MAGI1: variants seen among roughly 807,000 people sequenced by gnomAD.
MAGI1 encodes membrane-associated guanylate kinase, WW and PDZ domain-containing protein 1.
MAGI1 carries 58 observed loss-of-function variants against 139.9 expected under a neutral mutation model. That is an observed-to-expected ratio of 0.41 (90% confidence interval 0.34 to 0.52). The LOEUF (loss-of-function observed/expected upper bound fraction) is 0.52, where lower values mean the gene tolerates loss of function less well. Ranked by LOEUF, MAGI1 falls within the 20% of genes least tolerant of loss-of-function variation. The pLI, the probability that MAGI1 is intolerant of heterozygous loss-of-function variation, is 0.12. For synonymous variants in MAGI1, 812 were observed against 737.9 expected (o/e 1.10, Z -1.63); for missense variants, 1,874 against 1,901.6 (o/e 0.99, Z 0.27).
At chr3:66,036,806 A>C (rs572020627) in intron 1 of MAGI1, among the ~76,000 whole-genome samples, 182 of 152,150 alleles carry the variant, frequency 1.2e-3, no homozygotes, top group Non-Finnish European at 1.6e-3. Context: ...CGGTGCTTTC[A>C]CTGGGGAGAA....
chr3:65,835,999 G>C (rs1175306421), intron 1 of MAGI1, among the ~76,000 whole-genome samples: 1 of 152,120 alleles, frequency 6.6e-6, no homozygotes, highest in Non-Finnish European at 1.5e-5. Flanking sequence ...AAGCAAGCTG[G>C]GGGTTACCTG....
intron 1 of MAGI1, among the ~76,000 whole-genome samples, chr3:65,807,248 G>A (rs2040916405): frequency 6.6e-6 from 1 of 152,196 alleles, no homozygotes; most frequent in Non-Finnish European, 1.5e-5. Context: ...TGGAGGCTGG[G>A]AAGATCAAGA....
rs372653629 is a variant in MAGI1 at position 65,714,224 on chromosome 3, T to C, written c.314-92136A>G. ...ATGAAAGTGCCTTGAGTGACTCTTG[T>C]AGGGAGAGGCATTCCTCCAATGGCC... is the stretch of plus-strand genomic sequence containing the variant. On this transcript the variant is annotated intron_variant, in intron 1 of 22. Transcript: ENST00000402939. 3.9e-5 allele frequency among the ~76,000 whole-genome samples: 6 copies of C among 152,296 alleles called. No homozygotes were observed. In the East Asian group the frequency reaches 7.7e-4, roughly 20 times the overall value.
chr3:65,989,040 A>C (rs956538819), intron 1 of MAGI1, among the ~76,000 whole-genome samples: 3 of 152,240 alleles, frequency 2.0e-5, no homozygotes, highest in Non-Finnish European at 4.4e-5. Flanking sequence ...CCTCAAGTTA[A>C]TAAGTCGAAG....
chr3:65,383,735 AT>A, intron 14 of MAGI1, 112 bp from the exon 15 acceptor site: 7 of 729,226 alleles, frequency 9.6e-6, no homozygotes, highest in Non-Finnish European at 1.5e-5. Flanking sequence ...CAGATGGAAG[AT>A]TTTCAATATA....
At chr3:65,631,777 G>T (rs1312166167) in intron 1 of MAGI1, among the ~76,000 whole-genome samples, 2 of 152,128 alleles carry the variant, frequency 1.3e-5, no homozygotes, top group Admixed American at 1.3e-4. Flanking sequence ...ACTTTGGGAG[G>T]CTGAGGCAGG....
intron 1 of MAGI1, among the ~76,000 whole-genome samples, chr3:65,883,242 C>T (rs184019853): frequency 2.7e-4 from 41 of 152,246 alleles, no homozygotes; most frequent in Admixed American, 1.2e-3. Context: ...AGGATTCAGG[C>T]ATTTTACTAC....
chr3:65,689,036 C>A (rs2088324393), intron 1 of MAGI1, among the ~76,000 whole-genome samples: 1 of 152,148 alleles, frequency 6.6e-6, no homozygotes. Flanking sequence ...ATTGTCCTCA[C>A]TGAGGCAATG....
chr3:65,896,325 CCATGGCTGA>C (rs1455345967), intron 1 of MAGI1, among the ~76,000 whole-genome samples: 1 of 151,828 alleles, frequency 6.6e-6, no homozygotes, highest in Non-Finnish European at 1.5e-5. Flanking sequence ...ACAACCATGC[CCATGGCTGA>C]CAGGAAGGTT....
rs538935075 is a variant in MAGI1 at position 65,433,550 on chromosome 3, A to T, written c.1364-2669T>A. On this transcript the variant is annotated intron_variant, in intron 10 of 22. Coordinates refer to ENST00000402939, the MANE Select transcript of MAGI1 (RefSeq NM_001033057.2). ...ACGCTTTTCACCCCATAAGCAGTGG[A>T]ATTTGGAGCTCTCAGCTGCAGCCCT... 5.9e-5 allele frequency among the ~76,000 whole-genome samples: 9 copies of T among 152,162 alleles called. No homozygotes were observed. The East Asian group carries it at 1.6e-3, about 26-fold the overall frequency.
intron 12 of MAGI1, among the ~76,000 whole-genome samples, chr3:65,427,697 G>C (rs909142155): frequency 6.6e-6 from 1 of 152,188 alleles, no homozygotes; most frequent in East Asian, 1.9e-4. Context: ...CACAGAGCCA[G>C]GGTGAACAGC....
At chr3:65,877,550 T>G (rs1487826178) in intron 1 of MAGI1, among the ~76,000 whole-genome samples, 1 of 152,176 alleles carries the variant, frequency 6.6e-6, no homozygotes, top group Non-Finnish European at 1.5e-5. Context: ...TTGGAGAAAG[T>G]GTCTTAGCTC....
At position 65,657,188 on chromosome 3, in the gene MAGI1, G is replaced by A. The variant is rs117999911; in HGVS notation, c.314-35100C>T. Among the ~76,000 whole-genome samples the A allele has an allele frequency of 6.6e-4, 100 of 152,148 alleles. 1 individual carries two copies. In the East Asian group the frequency reaches 7.7e-3, roughly 12 times the overall value. On this transcript the variant is annotated intron_variant, in intron 1 of 22. Transcript: ENST00000402939. ...ATCCCCAACTTAAAGATAAGGAAAT[G>A]GAGGTAAAGGCAGGCTAAGTAAGTG...
chr3:65,608,151 A>G (rs2082849018), intron 2 of MAGI1, among the ~76,000 whole-genome samples: 1 of 152,208 alleles, frequency 6.6e-6, no homozygotes, highest in Non-Finnish European at 1.5e-5. Flanking sequence ...GATTAAAAAG[A>G]CAAACGGGGA....
Position 65,356,952 on chromosome 3 carries a change from T to C in MAGI1, c.3815A>G (p.Tyr1272Cys), listed in dbSNP as rs780961185. The part of the protein sequence containing the change: ...HARDPKGSRE[Y>C]SRQPNEHHTW... ...GTGGTGTTCATTGGGTTGTCTGCTA[T>C]ACTCTCTGCTGCCTTTCGGATCCCT... The change falls in exon 23 of 23, where the codon TAT becomes TGT. Residue 1272 changes from tyrosine (Y) to cysteine (C), a missense_variant. Coordinates refer to ENST00000402939, the MANE Select transcript of MAGI1 (RefSeq NM_001033057.2). 6 of 1,614,088 alleles carry C rather than the reference T, an allele frequency of 3.7e-6. No individual in the cohort carries two copies. In the South Asian group the frequency reaches 4.4e-5, roughly 12 times the overall value.
chr3:66,030,110 A>G (rs1180575058), intron 1 of MAGI1, among the ~76,000 whole-genome samples: 1 of 152,184 alleles, frequency 6.6e-6, no homozygotes, highest in African/African-American at 2.4e-5. Flanking sequence ...AAGGACCCAC[A>G]TGTTCTTACT....
At chr3:65,498,064 G>C (rs570438396) in intron 2 of MAGI1, among the ~76,000 whole-genome samples, 1 of 152,126 alleles carries the variant, frequency 6.6e-6, no homozygotes, top group Non-Finnish European at 1.5e-5. Flanking sequence ...AGGACCGAGG[G>C]AGGGGACCCC....
intron 2 of MAGI1, among the ~76,000 whole-genome samples, chr3:65,515,767 G>C (rs1322906623): frequency 1.3e-5 from 2 of 152,148 alleles, no homozygotes; most frequent in Admixed American, 1.3e-4. Context: ...TGTCACTTCA[G>C]GCTTCATTGT....
intron 1 of MAGI1, among the ~76,000 whole-genome samples, chr3:65,813,170 C>T (rs893023133): frequency 2.0e-5 from 3 of 152,060 alleles, no homozygotes; most frequent in African/African-American, 7.2e-5. Context: ...ATGGCATTTG[C>T]ACATATACCT....
Sources: allele counts gnomAD v4.1 joint callset (sites outside exome capture counted in the v4.1 genomes callset), GRCh38; gene constraint gnomAD v4.1.1; transcripts MANE v1.5; gene names NCBI Gene and HGNC (gene_info 2026-07-23, HGNC 2026-07-21).